ITGA11: variants seen among roughly 807,000 people sequenced by gnomAD.
ITGA11 encodes integrin subunit alpha 11, also known as integrin alpha-11.
In ITGA11, 97 loss-of-function variants were observed where a neutral mutation model predicts 141.9. The ratio of observed to expected loss-of-function variants is 0.68; its 90% CI spans 0.58 to 0.81. ITGA11 has a LOEUF of 0.81. Ranked by LOEUF, ITGA11 falls within the 30% of genes least tolerant of loss-of-function variation. The pLI, the probability that ITGA11 is intolerant of heterozygous loss-of-function variation, is 0.00. For missense variants in ITGA11, 1,387 were observed against 1,559.2 expected (o/e 0.89, Z 1.86); for synonymous variants, 658 against 624.6 (o/e 1.05, Z -0.80).
intron 1 of ITGA11, among the ~76,000 whole-genome samples, chr15:68,409,536 A>G (rs554132149): frequency 1.3e-5 from 2 of 151,786 alleles, no homozygotes; most frequent in Non-Finnish European, 2.9e-5. Context: ...TTAGGTAGGT[A>G]CTGATAGGTA....
At chr15:68,306,139 G>A (rs1893185989) in intron 28 of ITGA11, among the ~76,000 whole-genome samples, 2 of 150,124 alleles carry the variant, frequency 1.3e-5, no homozygotes, top group Admixed American at 1.3e-4. Context: ...GCAGTGAGCC[G>A]AGATCCTGCC....
intron 10 of ITGA11, among the ~76,000 whole-genome samples, chr15:68,341,935 A>G (rs564447147): frequency 6.6e-6 from 1 of 152,162 alleles, no homozygotes; most frequent in Non-Finnish European, 1.5e-5. Context: ...CTCCCACCTC[A>G]TCCCATTTTA....
At chr15:68,385,446 T>C (rs1024045115) in intron 2 of ITGA11, among the ~76,000 whole-genome samples, 3 of 152,242 alleles carry the variant, frequency 2.0e-5, no homozygotes. Context: ...TTTGTGGATT[T>C]ACTCTTCAGG....
At chr15:68,317,741 G>A (rs1041275930) in intron 20 of ITGA11, among the ~76,000 whole-genome samples, 1 of 152,214 alleles carries the variant, frequency 6.6e-6, no homozygotes, top group Non-Finnish European at 1.5e-5. Flanking sequence ...CCCATGCCCT[G>A]CCTATTGTCA....
intron 10 of ITGA11, among the ~76,000 whole-genome samples, chr15:68,342,356 C>T (rs898748960): frequency 6.6e-6 from 1 of 152,196 alleles, no homozygotes; most frequent in Non-Finnish European, 1.5e-5. Flanking sequence ...GCCTGGGTGG[C>T]CTTGCACGAG....
intron 1 of ITGA11, among the ~76,000 whole-genome samples, chr15:68,409,727 C>A (rs772508922): frequency 6.6e-6 from 1 of 152,102 alleles, no homozygotes; most frequent in African/African-American, 2.4e-5. Context: ...AAGCACTATT[C>A]TGAATGTATT....
chr15:68,319,681 G>T (rs528937712), intron 20 of ITGA11, among the ~76,000 whole-genome samples: 1 of 152,358 alleles, frequency 6.6e-6, no homozygotes, highest in East Asian at 1.9e-4. Flanking sequence ...TTGGTAGAAC[G>T]TGTGGATGGC....
At chr15:68,343,780 T>C (rs1595868835) in intron 10 of ITGA11, among the ~76,000 whole-genome samples, 1 of 152,192 alleles carries the variant, frequency 6.6e-6, no homozygotes, top group Non-Finnish European at 1.5e-5. Flanking sequence ...GATTATGCTT[T>C]TTCACTAATG....
At position 68,298,015 on chromosome 15, in the gene ITGA11, G is replaced by T. The variant is rs966095245; in HGVS notation, c.*5044C>A. 59 of 152,304 alleles carry T rather than the reference G, an allele frequency of 3.9e-4. No individual in the cohort carries two copies. Among genetic ancestry groups the T allele is most frequent in the African/African-American group, 1.4e-3 (59 of 41,570 alleles). 9.4% of individuals were successfully genotyped at this position (152,304 alleles called of 1,614,324 possible). ...AAGCTCACCTTCAGATCTCTGCTAG[G>T]TCACTCCCTGGCTGCAATAACCTAG... On this transcript the variant is annotated 3_prime_UTR_variant, in exon 30 of 30. Coordinates refer to ENST00000315757, the MANE Select transcript of ITGA11 (RefSeq NM_001004439.2).
rs1479452773 is a variant in ITGA11, at chr15:68,304,104, G to A, written c.3382-219C>T. Among the ~76,000 whole-genome samples, 2 of 152,020 alleles carry A rather than the reference G, an allele frequency of 1.3e-5. No individual in the cohort carries two copies. Among genetic ancestry groups the A allele is most frequent in the Admixed American group, 6.5e-5 (1 of 15,286 alleles). On this transcript the variant is annotated intron_variant, in intron 28 of 29. Coordinates refer to ENST00000315757, the MANE Select transcript of ITGA11 (RefSeq NM_001004439.2). The surrounding 1 kb of genome is among the most constrained non-coding windows in gnomAD (Gnocchi z 6.1). The stretch of plus-strand genomic sequence containing the variant: ...TGGGTTCAGTGGCCCAAGTGATCCT[G>A]CCTCCTTGAGACACTTGCTGCCTTT...
In ITGA11 at chr15:68,307,552, C is replaced by A. The variant is rs1210756700; in HGVS notation, c.3285+34G>T. ...TCCCAACAGCCGCCCCCTTTCCCTT[C>A]TTCCTTCCAGCCCAGCCCAGGGGCT... On this transcript the variant is annotated intron_variant, in intron 27 of 29. Coordinates refer to ENST00000315757, the MANE Select transcript of ITGA11 (RefSeq NM_001004439.2). This position sits in a 1 kb window ranked among gnomAD's most constrained non-coding sequence, Gnocchi z 6.1. The A allele has an allele frequency of 1.9e-6, 3 of 1,564,138 alleles. No homozygotes were observed. Among genetic ancestry groups the A allele is most frequent in the Non-Finnish European group, 2.6e-6 (3 of 1,142,388 alleles).
chr15:68,400,691 T>A (rs865795007), intron 2 of ITGA11, among the ~76,000 whole-genome samples: 3 of 37,244 alleles, frequency 8.1e-5, no homozygotes, highest in Non-Finnish European at 1.3e-4. Context: ...AAATATTATA[T>A]TATATATTAT....
intron 1 of ITGA11, among the ~76,000 whole-genome samples, chr15:68,411,664 A>G (rs1397607885): frequency 6.6e-6 from 1 of 152,210 alleles, no homozygotes; most frequent in Non-Finnish European, 1.5e-5. Flanking sequence ...AGCTTGCATC[A>G]TCAGTCTCAA....
chr15:68,431,834 T>C (rs1897276502), intron 1 of ITGA11, among the ~76,000 whole-genome samples, 181 bp downstream of exon 1: 1 of 152,190 alleles, frequency 6.6e-6, no homozygotes, highest in African/African-American at 2.4e-5. Context: ...CCTCCCTCTT[T>C]AGCGAAACTT....
At chr15:68,407,091 G>C (rs1193130885) in intron 1 of ITGA11, among the ~76,000 whole-genome samples, 1 of 152,084 alleles carries the variant, frequency 6.6e-6, no homozygotes, top group Non-Finnish European at 1.5e-5. Context: ...TAGAGAAGAG[G>C]GTCTCCGCTT....
At chr15:68,396,935 T>C (rs11855056) in intron 2 of ITGA11, among the ~76,000 whole-genome samples, 6,694 of 16,532 alleles carry the variant, frequency 0.4, 1,412 homozygotes, top group East Asian at 0.82. Flanking sequence ...ATATAATATA[T>C]AATATATTAT....
intron 10 of ITGA11, among the ~76,000 whole-genome samples, chr15:68,348,397 G>T (rs1894804325): frequency 6.6e-6 from 1 of 152,228 alleles, no homozygotes. Flanking sequence ...GCTATCCAAA[G>T]CACGTGCCAT....
At chr15:68,342,369 G>T (rs1894597822) in intron 10 of ITGA11, among the ~76,000 whole-genome samples, 1 of 152,218 alleles carries the variant, frequency 6.6e-6, no homozygotes, top group South Asian at 2.1e-4. Flanking sequence ...TGCACGAGGG[G>T]ACCTTCCCCA....
rs1896730238 is a variant in ITGA11, at chr15:68,409,728, T to C, written c.53-6699A>G. Among the ~76,000 whole-genome samples, 3 of 152,308 alleles carry C rather than the reference T, an allele frequency of 2.0e-5. No individual in the cohort carries two copies. In the South Asian group the frequency reaches 6.2e-4, roughly 32 times the overall value. On this transcript the variant is annotated intron_variant, in intron 1 of 29. Transcript: ENST00000315757. ...TCTTACTATGTACCAAGCACTATTCTGAATGTATTTAATGCTTATAACCAT... is the reference window on the plus strand; with the variant it reads ...TCTTACTATGTACCAAGCACTATTCCGAATGTATTTAATGCTTATAACCAT...
Sources: allele counts gnomAD v4.1 joint callset (sites outside exome capture counted in the v4.1 genomes callset), GRCh38; gene constraint gnomAD v4.1.1; non-coding constraint Gnocchi (gnomAD v3.1); transcripts MANE v1.5; gene names NCBI Gene and HGNC (gene_info 2026-07-23, HGNC 2026-07-21).